SBF2: variants seen among roughly 807,000 people sequenced by gnomAD.
SBF2 encodes SET binding factor 2.
A neutral mutation model predicts 225.2 loss-of-function variants in SBF2; 112 were observed. The observed-to-expected ratio is 0.50, with a 90% CI of 0.43 to 0.58. The LOEUF (loss-of-function observed/expected upper bound fraction) is 0.58, where lower values mean the gene tolerates loss of function less well. Among genes scored for constraint, SBF2 ranks in the 20% least tolerant of loss-of-function variants. SBF2 has a pLI of 0.00. For synonymous variants in SBF2, 763 were observed against 773.3 expected, an observed-to-expected ratio of 0.99 and a Z score of 0.22; for missense variants, 1,996 against 2,206.2, an observed-to-expected ratio of 0.90 and a Z score of 1.91.
intron 13 of SBF2, among the ~76,000 whole-genome samples, chr11:9,982,556 T>A (rs185472181): frequency 1.3e-5 from 2 of 152,332 alleles, no homozygotes; most frequent in African/African-American, 4.8e-5. Context: ...AATTAATGAC[T>A]GTCTAAATAG....
chr11:9,853,789 T>A, intron 19 of SBF2, 77 bp from the exon 20 acceptor site: 1 of 1,342,870 alleles, frequency 7.4e-7, no homozygotes, highest in African/African-American at 1.4e-5. Flanking sequence ...TCAATTTACA[T>A]AGCGACAGAA....
At chr11:10,211,696 A>C (rs751449327) in intron 1 of SBF2, among the ~76,000 whole-genome samples, 106 of 152,194 alleles carry the variant, frequency 7.0e-4, no homozygotes, top group Non-Finnish European at 1.4e-3. Context: ...CTACAGACTA[A>C]ATGATGGCAC....
chr11:9,931,280 G>C (rs1269515310), intron 16 of SBF2, among the ~76,000 whole-genome samples: 2 of 152,242 alleles, frequency 1.3e-5, no homozygotes, highest in Non-Finnish European at 2.9e-5. Context: ...GCTGAGCTCT[G>C]AGAATGGACA....
chr11:9,933,229 T>C (rs1239879811), intron 16 of SBF2, among the ~76,000 whole-genome samples: 1 of 152,096 alleles, frequency 6.6e-6, no homozygotes, highest in Admixed American at 6.6e-5. Flanking sequence ...AACACCCCAC[T>C]GTCTATATTA....
chr11:9,993,153 T>A, intron 10 of SBF2, 50 bp from the exon 11 acceptor site: 1 of 1,374,602 alleles, frequency 7.3e-7, no homozygotes, highest in South Asian at 1.2e-5. Context: ...TAAAAACAAA[T>A]GAAATATCAA....
At chr11:9,825,946 CT>C (rs1358310636) in intron 28 of SBF2, among the ~76,000 whole-genome samples, 1 of 152,166 alleles carries the variant, frequency 6.6e-6, no homozygotes, top group Non-Finnish European at 1.5e-5. Context: ...TATTATTTTG[CT>C]GTAGGTCTTT....
intron 1 of SBF2, among the ~76,000 whole-genome samples, chr11:10,242,903 A>G (rs997344402): frequency 2.0e-5 from 3 of 152,218 alleles, no homozygotes; most frequent in Admixed American, 6.5e-5. Context: ...TTCAATCACC[A>G]CTTAAAATAA....
At chr11:9,923,789 C>T (rs61876939) in intron 16 of SBF2, among the ~76,000 whole-genome samples, 8,533 of 152,136 alleles carry the variant, frequency 0.056, 382 homozygotes, top group Non-Finnish European at 0.079. Context: ...ATCTCTAGTT[C>T]CCGGCCCCAA....
chr11:10,295,755 A>G (rs1275454309), upstream of SBF2, among the ~76,000 whole-genome samples: 1 of 151,888 alleles, frequency 6.6e-6, no homozygotes, highest in East Asian at 1.9e-4. Context: ...CTTCCTTATT[A>G]TTTCAGAGTT....
chr11:10,101,106 A>C (rs1444922670), intron 2 of SBF2, among the ~76,000 whole-genome samples: 1 of 152,192 alleles, frequency 6.6e-6, no homozygotes, highest in Non-Finnish European at 1.5e-5. Context: ...GCACAAGTTC[A>C]GCAGGCCTAA....
intron 2 of SBF2, among the ~76,000 whole-genome samples, chr11:10,089,641 G>C (rs935137609): frequency 1.9e-4 from 29 of 151,854 alleles, no homozygotes; most frequent in Middle Eastern, 3.4e-3. Flanking sequence ...AAAAAAACTT[G>C]GAAATGAAAT....
chr11:9,882,795 CAAAAA>C (rs56699466), intron 17 of SBF2, among the ~76,000 whole-genome samples: 1 of 90,096 alleles, frequency 1.1e-5, no homozygotes, highest in African/African-American at 3.3e-5. Context: ...GTGACAGAGT[CAAAAA>C]AAAAAAAAAA....
At chr11:10,159,135 A>C (rs543361304) in intron 2 of SBF2, among the ~76,000 whole-genome samples, 53 of 152,322 alleles carry the variant, frequency 3.5e-4, no homozygotes, top group South Asian at 8.3e-4. Context: ...GAGACAGTGA[A>C]AGAGATCTAA....
chr11:10,049,623 T>C (rs1283532704), intron 2 of SBF2, among the ~76,000 whole-genome samples: 1 of 151,996 alleles, frequency 6.6e-6, no homozygotes, highest in Non-Finnish European at 1.5e-5. Context: ...AAAAAATTAG[T>C]TGTAATTTCT....
intron 29 of SBF2, among the ~76,000 whole-genome samples, chr11:9,812,978 C>A (rs1854276462): frequency 6.6e-6 from 1 of 152,142 alleles, no homozygotes; most frequent in Non-Finnish European, 1.5e-5. Flanking sequence ...ATTCTGAGAA[C>A]TGGAAGAGCC....
chr11:10,026,864 A>T (rs890617286), intron 6 of SBF2, among the ~76,000 whole-genome samples: 1 of 152,210 alleles, frequency 6.6e-6, no homozygotes, highest in Non-Finnish European at 1.5e-5. Flanking sequence ...TGCATTAAAT[A>T]TCTATTTAAT....
At chr11:10,097,024 T>C (rs1279499106) in intron 2 of SBF2, among the ~76,000 whole-genome samples, 2 of 152,242 alleles carry the variant, frequency 1.3e-5, no homozygotes, top group East Asian at 3.8e-4. Context: ...AAAAGGCCCC[T>C]AAAATTCATG....
intron 1 of SBF2, among the ~76,000 whole-genome samples, chr11:10,277,962 C>G (rs761136500): frequency 3.8e-4 from 58 of 152,296 alleles, no homozygotes; most frequent in Non-Finnish European, 7.5e-4. Context: ...GTTATGGCAA[C>G]CCCAAGAAAC....
At chr11:9,795,140 T>C (rs949809226) in intron 33 of SBF2, among the ~76,000 whole-genome samples, 1 of 152,240 alleles carries the variant, frequency 6.6e-6, no homozygotes, top group African/African-American at 2.4e-5. Flanking sequence ...GGAAATGTTT[T>C]TACCGGGGCT....
Sources: gnomAD v4.1 joint callset for allele counts (sites outside exome capture counted in the v4.1 genomes callset) on GRCh38, gnomAD v4.1.1 for gene constraint, MANE v1.5 for transcripts, NCBI Gene and HGNC (gene_info 2026-07-23, HGNC 2026-07-21) for gene names.